The following CACNA2D3 variants were observed in gnomAD, a reference collection of about 807,000 sequenced individuals.
The protein encoded by CACNA2D3 is calcium voltage-gated channel auxiliary subunit alpha2delta 3, also known as voltage-dependent calcium channel subunit alpha-2/delta-3.
A neutral mutation model predicts 160.6 loss-of-function variants in CACNA2D3; 60 were observed. The observed-to-expected ratio is 0.37, with a 90% confidence interval of 0.30 to 0.46. The LOEUF (loss-of-function observed/expected upper bound fraction) is 0.46. Among genes scored for constraint, CACNA2D3 ranks in the 20% least tolerant of loss-of-function variants. CACNA2D3 has a pLI of 1.00. For missense variants in CACNA2D3, 1,205 were observed against 1,365.0 expected (o/e 0.88, Z 1.85); for synonymous variants, 558 against 492.9 (o/e 1.13, Z -1.75).
intron 34 of CACNA2D3, among the ~76,000 whole-genome samples, chr3:55,017,280 G>A (rs1575437170): frequency 6.6e-6 from 1 of 152,232 alleles, no homozygotes; most frequent in East Asian, 1.9e-4. Context: ...GTGAGGATTC[G>A]CTAGAAGTAG....
At chr3:54,295,105 G>A (rs1171376272) in intron 2 of CACNA2D3, among the ~76,000 whole-genome samples, 2 of 152,230 alleles carry the variant, frequency 1.3e-5, no homozygotes, top group African/African-American at 2.4e-5. Context: ...CACATCTTCA[G>A]TGGAGACACA....
Position 54,723,429 on chromosome 3 carries a change from C to G in CACNA2D3, c.1168-29170C>G, listed in dbSNP as rs952509590. Among the ~76,000 whole-genome samples, 3 of 152,180 alleles carry G rather than the reference C, an allele frequency of 2.0e-5. No homozygotes were observed. The South Asian group carries it at 6.2e-4, about 31-fold the overall frequency. On this transcript the variant is annotated intron_variant, in intron 11 of 37. Transcript: ENST00000474759. ...TTCTGTCTTGCTGGCATTCCAGGCG[C>G]CACTGGGGTATGGAAAAAACTCCTA... is the stretch of plus-strand genomic sequence containing the variant.
intron 13 of CACNA2D3, among the ~76,000 whole-genome samples, chr3:54,785,759 T>C (rs1405425739): frequency 2.0e-5 from 3 of 152,192 alleles, no homozygotes; most frequent in African/African-American, 7.2e-5. Context: ...GCCCAGATCC[T>C]TGTTATATCT....
intron 2 of CACNA2D3, among the ~76,000 whole-genome samples, chr3:54,301,713 C>T (rs1027758484): frequency 6.6e-6 from 1 of 152,134 alleles, no homozygotes; most frequent in African/African-American, 2.4e-5. Flanking sequence ...TGAAACACAG[C>T]AGGCACATGT....
intron 9 of CACNA2D3, among the ~76,000 whole-genome samples, chr3:54,584,414 A>G (rs1010087551): frequency 4.6e-5 from 7 of 152,222 alleles, no homozygotes; most frequent in Admixed American, 6.5e-5. Flanking sequence ...GATGAGCTCA[A>G]TAGAGTGAAG....
intron 2 of CACNA2D3, among the ~76,000 whole-genome samples, chr3:54,262,793 C>A (rs1702428679): frequency 6.6e-6 from 1 of 152,174 alleles, no homozygotes; most frequent in South Asian, 2.1e-4. Context: ...CTTCCAGCAA[C>A]CGCATGGCGA....
At chr3:54,726,755 A>T (rs1701284728) in intron 11 of CACNA2D3, among the ~76,000 whole-genome samples, 1 of 152,196 alleles carries the variant, frequency 6.6e-6, no homozygotes, top group African/African-American at 2.4e-5. Flanking sequence ...CCTTATACAA[A>T]AATCAACTCA....
intron 4 of CACNA2D3, among the ~76,000 whole-genome samples, chr3:54,437,525 A>G (rs1431855681): frequency 6.6e-6 from 1 of 152,236 alleles, no homozygotes; most frequent in African/African-American, 2.4e-5. Flanking sequence ...TTTTCTGGAA[A>G]TGTGAGCTCT....
chr3:55,034,350 T>A (rs1444990308), intron 35 of CACNA2D3, among the ~76,000 whole-genome samples: 1 of 152,080 alleles, frequency 6.6e-6, no homozygotes, highest in Non-Finnish European at 1.5e-5. Flanking sequence ...CATCTCTGTG[T>A]GCCGTCTAAT....
chr3:54,683,793 G>T (rs892919747), intron 11 of CACNA2D3, among the ~76,000 whole-genome samples: 3 of 152,072 alleles, frequency 2.0e-5, no homozygotes, highest in African/African-American at 7.2e-5. Context: ...TGTCAGGGCC[G>T]TGGTCTCTCT....
chr3:54,477,193 G>A (rs1425158234), intron 4 of CACNA2D3, among the ~76,000 whole-genome samples: 4 of 152,064 alleles, frequency 2.6e-5, no homozygotes, highest in African/African-American at 9.7e-5. Flanking sequence ...AAAGTGATGA[G>A]ATGGGTATCT....
At chr3:54,718,029 C>G (rs1701096338) in intron 11 of CACNA2D3, among the ~76,000 whole-genome samples, 2 of 151,994 alleles carry the variant, frequency 1.3e-5, no homozygotes, top group African/African-American at 2.4e-5. Flanking sequence ...TTGGCTATGC[C>G]TATGTATTTT....
intron 5 of CACNA2D3, among the ~76,000 whole-genome samples, chr3:54,547,670 C>T (rs1702086169): frequency 8.3e-6 from 1 of 119,814 alleles, no homozygotes; most frequent in Non-Finnish European, 1.6e-5. Context: ...CCTCCCCCAA[C>T]CCTTTTTTTT....
chr3:54,447,831 A>G (rs1700246568), intron 4 of CACNA2D3, among the ~76,000 whole-genome samples: 1 of 152,212 alleles, frequency 6.6e-6, no homozygotes. Flanking sequence ...ATTTCTGGCC[A>G]TTCCAGGATG....
At chr3:54,995,794 A>G (rs932251587) in intron 31 of CACNA2D3, among the ~76,000 whole-genome samples, 1 of 152,250 alleles carries the variant, frequency 6.6e-6, no homozygotes, top group South Asian at 2.1e-4. Flanking sequence ...AACTACTGAT[A>G]GTTTCTACCA....
At chr3:54,894,878 T>C (rs897130416) in intron 25 of CACNA2D3, 38 of 326,404 alleles carry the variant, frequency 1.2e-4, no homozygotes, top group Admixed American at 7.5e-5. Context: ...AAGATGAGCC[T>C]GGAAGTCCTG....
intron 35 of CACNA2D3, among the ~76,000 whole-genome samples, chr3:55,035,069 C>T (rs1240964471): frequency 1.3e-5 from 2 of 152,226 alleles, no homozygotes; most frequent in Middle Eastern, 3.4e-3. Context: ...CAGAACCCTT[C>T]TCCAGGAAGA....
At chr3:54,541,196 GAACCT>G (rs1195515767) in intron 5 of CACNA2D3, among the ~76,000 whole-genome samples, 1 of 147,148 alleles carries the variant, frequency 6.8e-6, no homozygotes, top group Non-Finnish European at 1.5e-5. Context: ...AGAATGGCGT[GAACCT>G]GGGAGGCAGA....
intron 2 of CACNA2D3, among the ~76,000 whole-genome samples, chr3:54,235,049 T>G (rs1467762053): frequency 6.6e-6 from 1 of 152,160 alleles, no homozygotes; most frequent in Non-Finnish European, 1.5e-5. Context: ...AGATCTTGGT[T>G]TCTAATACCA....
Sources: allele counts gnomAD v4.1 joint callset (sites outside exome capture counted in the v4.1 genomes callset), GRCh38; gene constraint gnomAD v4.1.1; transcripts MANE v1.5; gene names NCBI Gene and HGNC (gene_info 2026-07-23, HGNC 2026-07-21).